PTPRU: variants seen among roughly 807,000 people sequenced by gnomAD.
The protein encoded by PTPRU is protein tyrosine phosphatase receptor type U.
Under a neutral mutation model 166.3 loss-of-function variants are expected in PTPRU, and 69 were observed. That is an observed-to-expected ratio of 0.41 (90% CI 0.34 to 0.51). The LOEUF (loss-of-function observed/expected upper bound fraction) is 0.51, where lower values mean the gene tolerates loss of function less well. Among genes scored for constraint, PTPRU ranks in the 20% least tolerant of loss-of-function variants. The probability of loss-of-function intolerance (pLI) is 0.09; values close to 1 mark genes in which losing one functional copy is unlikely to be tolerated. For synonymous variants in PTPRU, 793 were observed against 814.0 expected (o/e 0.97, Z 0.44); for missense variants, 1,657 against 2,013.7 (o/e 0.82, Z 3.39).
rs140481299 is a variant in PTPRU, at chr1:29,280,649, C to CTGTGTGTGTG, written c.1868+530_1868+539dup. ...TGGGGAGAGGGTGCTGGAGACAAGACTGTGTGTGTGTGTGTGTGTGTGTGT... is the reference window on the plus strand; with the variant it reads ...TGGGGAGAGGGTGCTGGAGACAAGACTGTGTGTGTGTGTGTGTGTGTGTGTGTGTGTGTGT... On this transcript the variant is annotated intron_variant, in intron 11 of 29. Coordinates refer to ENST00000373779, the MANE Select transcript of PTPRU (RefSeq NM_133178.4). This position sits in a 1 kb window ranked among gnomAD's most constrained non-coding sequence, Gnocchi z 4.2. Among the ~76,000 whole-genome samples, 17 of 144,110 alleles carry CTGTGTGTGTG rather than the reference C, an allele frequency of 1.2e-4. No homozygotes were observed. The highest frequency in any genetic ancestry group is 4.1e-4 in the African/African-American group (16 of 39,178). The allele number at this position is 144,110 out of a possible 152,430, so 94.5% of individuals were successfully genotyped here.
intron 26 of PTPRU, among the ~76,000 whole-genome samples, chr1:29,322,791 C>G (rs1190076174): frequency 6.6e-6 from 1 of 151,958 alleles, no homozygotes; most frequent in East Asian, 1.9e-4. Flanking sequence ...TGTATTTGTA[C>G]GTGTGTTTGT....
intron 15 of PTPRU, among the ~76,000 whole-genome samples, chr1:29,300,804 A>G (rs1574691034): frequency 6.6e-6 from 1 of 152,204 alleles, no homozygotes; most frequent in Non-Finnish European, 1.5e-5. Context: ...ACCCAAGCAC[A>G]ATGGGGCAGC....
At chr1:29,275,947 T>C (rs1453066242) in intron 8 of PTPRU, among the ~76,000 whole-genome samples, 191 bp downstream of exon 8, 1 of 152,230 alleles carries the variant, frequency 6.6e-6, no homozygotes, top group Non-Finnish European at 1.5e-5. Flanking sequence ...CTAATTTCTT[T>C]CCTTAAGTGT....
chr1:29,308,284 CT>C (rs567805935), intron 18 of PTPRU, among the ~76,000 whole-genome samples: 449 of 136,072 alleles, frequency 3.3e-3, no homozygotes, highest in Non-Finnish European at 4.1e-3. Flanking sequence ...TAATTTTTTC[CT>C]TTTTTTTTTT....
Position 29,303,972 on chromosome 1 carries a change from G to A in PTPRU, c.2594G>A (p.Arg865His), listed in dbSNP as rs757186665. 16 of 1,613,622 alleles carry A rather than the reference G, an allele frequency of 9.9e-6. No individual in the cohort carries two copies. Among genetic ancestry groups the A allele is most frequent in the African/African-American group, 8.0e-5 (6 of 74,922 alleles). Residue 865 changes from arginine to histidine, a missense_variant, in exon 16 of 30, where the codon CGT becomes CAT. This residue lies in a region of PTPRU where 1,190 missense variants were observed against 1,477.4 expected (regional missense o/e 0.81). Transcript: ENST00000373779. The part of the protein sequence containing the change: ...YHTGQLHPAV[R>H]VADLLQHINQ... ...ACGGGGCAGCTGCACCCTGCGGTGC[G>A]TGTCGCAGACCTTCTGCAGCACATC...
At chr1:29,282,447 G>T (rs573098810) in intron 11 of PTPRU, among the ~76,000 whole-genome samples, 14 of 152,290 alleles carry the variant, frequency 9.2e-5, no homozygotes, top group African/African-American at 2.9e-4. Context: ...TGCTTAACTT[G>T]CCTGTTCTTC....
Position 29,255,319 on chromosome 1 carries a change from GA to G in PTPRU, c.119del (p.Glu40GlyfsTer33). ...GGCAAGTGACCCAGCAGTGCCCTGC[GA>G]GTACAGCCAGGCCCAGTACGATGAC... ...EEASDPAVPC[E>X]YSQAQYDDFQ... On this transcript the variant is annotated frameshift_variant, in exon 2 of 30. Coordinates refer to ENST00000373779, the MANE Select transcript of PTPRU (RefSeq NM_133178.4). LOFTEE classifies it high-confidence loss of function. 1 of 1,614,016 alleles carries G rather than the reference GA, an allele frequency of 6.2e-7. No individual in the cohort carries two copies. Among genetic ancestry groups the G allele is most frequent in the Non-Finnish European group, 8.5e-7 (1 of 1,179,972 alleles).
intron 15 of PTPRU, among the ~76,000 whole-genome samples, chr1:29,295,917 C>T (rs1440225350): frequency 6.6e-6 from 1 of 152,162 alleles, no homozygotes; most frequent in Non-Finnish European, 1.5e-5. Context: ...TCTCGCACTC[C>T]TGACCTCAGG....
chr1:29,315,296 C>T lies in PTPRU; in HGVS notation c.3228-76C>T. 6.5e-7 allele frequency: 1 copy of T among 1,547,530 alleles called. No homozygotes were observed. Among genetic ancestry groups the T allele is most frequent in the Non-Finnish European group, 8.9e-7 (1 of 1,125,598 alleles). ...TGTATGGTGTAGACATGGCCAGTGCCCTCCTCTCTTCTTCTCCTTAGTCCC... is the reference window on the plus strand; with the variant it reads ...TGTATGGTGTAGACATGGCCAGTGCTCTCCTCTCTTCTTCTCCTTAGTCCC... On this transcript the variant is annotated intron_variant, in intron 22 of 29. Coordinates refer to ENST00000373779, the MANE Select transcript of PTPRU (RefSeq NM_133178.4). This position sits in a 1 kb window ranked among gnomAD's most constrained non-coding sequence, Gnocchi z 4.5.
chr1:29,286,154 G>C (rs568360173), intron 14 of PTPRU, among the ~76,000 whole-genome samples: 1 of 152,212 alleles, frequency 6.6e-6, no homozygotes, highest in Admixed American at 6.5e-5. Flanking sequence ...TAGGGGTGGA[G>C]TGTGCAGCGG....
intron 1 of PTPRU, among the ~76,000 whole-genome samples, chr1:29,249,795 A>G (rs1309032776): frequency 6.6e-6 from 1 of 152,104 alleles, no homozygotes; most frequent in Non-Finnish European, 1.5e-5. Context: ...CACCTGCCCT[A>G]CTCATGGCTT....
chr1:29,247,162 C>T (rs1684334029), intron 1 of PTPRU, among the ~76,000 whole-genome samples: 1 of 152,274 alleles, frequency 6.6e-6, no homozygotes, highest in South Asian at 2.1e-4. Context: ...GAAGCTTGAA[C>T]TAGTAAGGCT....
intron 1 of PTPRU, among the ~76,000 whole-genome samples, chr1:29,248,697 G>C (rs1469842977): frequency 6.6e-6 from 1 of 152,018 alleles, no homozygotes; most frequent in African/African-American, 2.4e-5. Flanking sequence ...GGAAAGTCTG[G>C]TGCACAGTGC....
chr1:29,308,970 A>G (rs920067366), intron 18 of PTPRU, among the ~76,000 whole-genome samples: 2 of 152,202 alleles, frequency 1.3e-5, no homozygotes, highest in Non-Finnish European at 2.9e-5. Context: ...TCGAGGCTGC[A>G]GTGGAGACAG....
intron 26 of PTPRU, among the ~76,000 whole-genome samples, chr1:29,321,889 C>G (rs762878485): frequency 6.6e-6 from 1 of 152,196 alleles, no homozygotes; most frequent in Non-Finnish European, 1.5e-5. Flanking sequence ...CTCTGACTCC[C>G]CTGTTTCCCT....
chr1:29,262,643 G>A (rs1055785093), intron 7 of PTPRU, among the ~76,000 whole-genome samples: 3 of 151,988 alleles, frequency 2.0e-5, no homozygotes, highest in Non-Finnish European at 1.5e-5. Context: ...TCTAGGGTTC[G>A]GAACTCTCTG....
chr1:29,282,045 G>A (rs976972029), intron 11 of PTPRU, among the ~76,000 whole-genome samples: 1 of 152,204 alleles, frequency 6.6e-6, no homozygotes, highest in African/African-American at 2.4e-5. Context: ...GCAGGGCTCC[G>A]ATTTGCTGAT....
In PTPRU at chr1:29,325,930, T is replaced by A. The variant is rs996198929; in HGVS notation, c.*269T>A. Reference sequence around the variant, plus strand: ...TCCTGCAGGCCTGTGCTGAGAGGCCTGGTGCTGCCTGGCAGAGTGACAAAG... The same window carrying A: ...TCCTGCAGGCCTGTGCTGAGAGGCCAGGTGCTGCCTGGCAGAGTGACAAAG... On this transcript the variant is annotated 3_prime_UTR_variant, in exon 30 of 30. Coordinates refer to ENST00000373779, the MANE Select transcript of PTPRU (RefSeq NM_133178.4). 22 of 467,136 alleles carry A rather than the reference T, an allele frequency of 4.7e-5. No homozygotes were observed. Among genetic ancestry groups the A allele is most frequent in the African/African-American group, 4.3e-4 (21 of 49,398 alleles). 28.9% of individuals were successfully genotyped at this position (467,136 alleles called of 1,614,324 possible). A position where few individuals can be genotyped will look rare whatever the true frequency, so the allele number is the denominator to read the frequency against.
At chr1:29,308,319 A>G (rs1431202182) in intron 18 of PTPRU, among the ~76,000 whole-genome samples, 3 of 147,336 alleles carry the variant, frequency 2.0e-5, no homozygotes, top group Non-Finnish European at 3.0e-5. Context: ...GGGTCTTCTC[A>G]GCACTTTGGG....
Sources: gnomAD v4.1 joint callset for allele counts (sites outside exome capture counted in the v4.1 genomes callset) on GRCh38, gnomAD v4.1.1 for gene constraint, gnomAD v4.1.1 regional missense constraint, Gnocchi (gnomAD v3.1) non-coding constraint, MANE v1.5 for transcripts, NCBI Gene and HGNC (gene_info 2026-07-23, HGNC 2026-07-21) for gene names.